The following CIROZ variants were observed in gnomAD, a reference collection of about 807,000 sequenced individuals.
CIROZ encodes the protein ciliated left-right organizer ZP-N domains-containing protein.
At chr1:10,961,906 C>T in the CIROZ span, among the ~76,000 whole-genome samples, 3 of 152,258 alleles carry the variant, frequency 2.0e-5, no homozygotes, top group Admixed American at 6.5e-5. Context: ...GAGATCACAC[C>T]GCTGTACGCC....
chr1:10,958,515 A>G, the CIROZ span, among the ~76,000 whole-genome samples: 5 of 152,192 alleles, frequency 3.3e-5, no homozygotes, highest in African/African-American at 1.2e-4. Context: ...AGATGGCCTC[A>G]GGCCTCTGCC....
At chr1:10,951,745 A>AATATATATATAT in the CIROZ span, among the ~76,000 whole-genome samples, 4 of 119,180 alleles carry the variant, frequency 3.4e-5, no homozygotes, top group African/African-American at 1.4e-4. Flanking sequence ...AAAAAAAAAA[A>AATATATATATAT]ATATATATAT....
the CIROZ span, chr1:10,957,553 C>T: frequency 5.0e-6 from 8 of 1,593,438 alleles, no homozygotes; most frequent in Non-Finnish European, 6.8e-6. Flanking sequence ...GCAACCTGCT[C>T]TTCTAGGTGC....
the CIROZ span, chr1:10,966,485 G>A: frequency 1.3e-6 from 2 of 1,531,822 alleles, no homozygotes; most frequent in Non-Finnish European, 8.7e-7. Flanking sequence ...CCAGGTGCCT[G>A]GAATGAGAAA....
the CIROZ span, among the ~76,000 whole-genome samples, chr1:10,955,379 G>GA: frequency 1.8e-4 from 28 of 152,004 alleles, no homozygotes; most frequent in African/African-American, 2.4e-5. Flanking sequence ...GGATGAAGAA[G>GA]AGAAGAAAAA....
the CIROZ span, among the ~76,000 whole-genome samples, chr1:10,957,408 A>G: frequency 1.3e-5 from 2 of 152,262 alleles, no homozygotes; most frequent in East Asian, 3.8e-4. Flanking sequence ...ATCAGGACGC[A>G]CTGAATGCAT....
the CIROZ span, among the ~76,000 whole-genome samples, chr1:10,974,473 G>C: frequency 1.3e-5 from 2 of 152,156 alleles, no homozygotes; most frequent in Non-Finnish European, 2.9e-5. The surrounding 1 kb of genome is among the most constrained non-coding windows in gnomAD (Gnocchi z 4.4). Context: ...CCTGTGGAGA[G>C]AAGCCACCCT....
chr1:10,975,860 A>G, the CIROZ span, among the ~76,000 whole-genome samples: 2 of 150,156 alleles, frequency 1.3e-5, no homozygotes, highest in African/African-American at 5.0e-5. Flanking sequence ...CCCCCAAGAC[A>G]GGCCCGGCAC....
chr1:10,977,300 A>G, the CIROZ span, among the ~76,000 whole-genome samples: 1 of 151,872 alleles, frequency 6.6e-6, no homozygotes, highest in Non-Finnish European at 1.5e-5. Flanking sequence ...CCTGGCCAAC[A>G]TGGTGAAACC....
At chr1:10,949,824 A>G in the CIROZ span, 4 of 1,537,732 alleles carry the variant, frequency 2.6e-6, no homozygotes, top group Admixed American at 2.0e-5. Flanking sequence ...CCTTCCAGAG[A>G]GAAGACAGAG....
the CIROZ span, among the ~76,000 whole-genome samples, chr1:10,965,830 A>C: frequency 2.6e-5 from 4 of 152,260 alleles, no homozygotes; most frequent in East Asian, 7.7e-4. Flanking sequence ...CAAAAAAAAA[A>C]AAAAAAGGAA....
At chr1:10,975,192 G>C in the CIROZ span, among the ~76,000 whole-genome samples, 1 of 152,106 alleles carries the variant, frequency 6.6e-6, no homozygotes, top group South Asian at 2.1e-4. Context: ...TGGATCACAA[G>C]GTCAGGAGTT....
At chr1:10,951,107 G>T in the CIROZ span, among the ~76,000 whole-genome samples, 1 of 152,030 alleles carries the variant, frequency 6.6e-6, no homozygotes, top group African/African-American at 2.4e-5. Context: ...GTCCCACCCC[G>T]AGAGGCATTT....
chr1:10,950,021 A>G, the CIROZ span, among the ~76,000 whole-genome samples: 3 of 147,548 alleles, frequency 2.0e-5, no homozygotes, highest in Non-Finnish European at 3.0e-5. Flanking sequence ...CTATGTGGAC[A>G]TCAAGATTCT....
chr1:10,974,958 C>T, the CIROZ span, among the ~76,000 whole-genome samples: 1 of 152,024 alleles, frequency 6.6e-6, no homozygotes, highest in Admixed American at 6.5e-5. The surrounding 1 kb of genome is among the most constrained non-coding windows in gnomAD (Gnocchi z 4.4). Context: ...AAAATAGCCC[C>T]CCCTTCACTG....
chr1:10,962,256 G>A, the CIROZ span, among the ~76,000 whole-genome samples: 10 of 152,084 alleles, frequency 6.6e-5, no homozygotes, highest in African/African-American at 9.7e-5. Flanking sequence ...GACCAGCCTG[G>A]CCAACATGAG....
the CIROZ span, among the ~76,000 whole-genome samples, chr1:10,953,683 C>T: frequency 3.3e-5 from 5 of 152,164 alleles, no homozygotes; most frequent in African/African-American, 1.2e-4. Flanking sequence ...TGCCTATTTT[C>T]CAGATGGGAA....
the CIROZ span, chr1:10,964,090 G>A: frequency 6.2e-7 from 1 of 1,606,078 alleles, no homozygotes; most frequent in Non-Finnish European, 8.5e-7. Flanking sequence ...AGCCTGGGAG[G>A]TCCCTCTGCC....
the CIROZ span, chr1:10,949,619 C>G: frequency 1.3e-6 from 2 of 1,598,482 alleles, no homozygotes; most frequent in Non-Finnish European, 1.7e-6. Context: ...CAGCCATAGA[C>G]GTGCTTTGGC....
Sources: allele counts gnomAD v4.1 joint callset (sites outside exome capture counted in the v4.1 genomes callset), GRCh38; gene constraint gnomAD v4.1.1; non-coding constraint Gnocchi (gnomAD v3.1); transcripts MANE v1.5; gene names NCBI Gene and HGNC (gene_info 2026-07-23, HGNC 2026-07-21).